NSMAF: variants seen among roughly 807,000 people sequenced by gnomAD.
NSMAF encodes the protein neutral sphingomyelinase activation associated factor.
A neutral mutation model predicts 134.9 loss-of-function variants in NSMAF; 90 were observed. That is an observed-to-expected ratio of 0.67 (90% CI 0.56 to 0.79). The LOEUF (loss-of-function observed/expected upper bound fraction) is 0.79. NSMAF is among the 30% of genes least tolerant of loss of function. The probability of loss-of-function intolerance (pLI) is 0.00; values close to 1 mark genes in which losing one functional copy is unlikely to be tolerated. For missense variants in NSMAF, 1,010 were observed against 1,119.0 expected (o/e 0.90, Z 1.39); for synonymous variants, 358 against 389.6 (o/e 0.92, Z 0.96).
intron 1 of NSMAF, among the ~76,000 whole-genome samples, chr8:58,651,463 G>A (rs747506185): frequency 6.6e-6 from 1 of 152,186 alleles, no homozygotes; most frequent in Non-Finnish European, 1.5e-5. Context: ...CTGACTATGT[G>A]AGATGCAGTG....
At chr8:58,596,061 G>T (rs1173506096) in intron 21 of NSMAF, among the ~76,000 whole-genome samples, 5 of 152,128 alleles carry the variant, frequency 3.3e-5, no homozygotes, top group Non-Finnish European at 5.9e-5. Flanking sequence ...ATCAATTACC[G>T]CAAGGGCTTC....
At chr8:58,641,989 T>C (rs1213562529) in intron 2 of NSMAF, among the ~76,000 whole-genome samples, 1 of 152,156 alleles carries the variant, frequency 6.6e-6, no homozygotes, top group Non-Finnish European at 1.5e-5. Flanking sequence ...AAAAAAGATA[T>C]GGAATTAGGG....
chr8:58,614,075 A>G (rs1006842039), intron 9 of NSMAF, among the ~76,000 whole-genome samples: 6 of 152,218 alleles, frequency 3.9e-5, no homozygotes, highest in African/African-American at 1.4e-4. Context: ...GGTTTGTGTA[A>G]GTGCACCCTA....
At chr8:58,600,195 G>A in intron 16 of NSMAF, 174 bp from the exon 17 acceptor site, 1 of 605,670 alleles carries the variant, frequency 1.7e-6, no homozygotes, top group Non-Finnish European at 2.9e-6. Flanking sequence ...GAACACTGGG[G>A]CCCAGAGAGT....
chr8:58,588,307 T>C (rs941046569), intron 26 of NSMAF: 16 of 686,194 alleles, frequency 2.3e-5, no homozygotes, highest in Middle Eastern at 4.0e-4. Flanking sequence ...TGTCTTTTAA[T>C]GATTCCTCAC....
At chr8:58,607,627 G>T (rs990561915) in intron 11 of NSMAF, 142 bp downstream of exon 11, 3 of 661,136 alleles carry the variant, frequency 4.5e-6, no homozygotes, top group African/African-American at 3.6e-5. Context: ...CCAAAAGAAA[G>T]AACAGCAAAA....
intron 1 of NSMAF, among the ~76,000 whole-genome samples, chr8:58,655,694 A>T (rs866419400): frequency 5.3e-5 from 8 of 152,018 alleles, no homozygotes; most frequent in Middle Eastern, 6.8e-3. Context: ...GATCACGAGG[A>T]CAGGAGATCG....
chr8:58,659,295 G>A (rs1310891717), intron 1 of NSMAF: 3 of 1,524,570 alleles, frequency 2.0e-6, no homozygotes, highest in Middle Eastern at 1.9e-4. Context: ...CTGCACTGCC[G>A]GATAGCTCGG....
At chr8:58,610,640 G>T (rs76143792) in intron 9 of NSMAF, among the ~76,000 whole-genome samples, 5,145 of 152,272 alleles carry the variant, frequency 0.034, 129 homozygotes, top group Non-Finnish European at 0.054. Context: ...GGCAGGAGGA[G>T]GAGCAACCTA....
intron 1 of NSMAF, among the ~76,000 whole-genome samples, chr8:58,647,778 C>A (rs1036057284): frequency 5.3e-5 from 8 of 152,326 alleles, no homozygotes; most frequent in South Asian, 2.1e-4. Context: ...GCCTGCAGAA[C>A]CATGAGCCAA....
intron 1 of NSMAF, among the ~76,000 whole-genome samples, chr8:58,643,534 CTTTT>C (rs71767302): frequency 1.4e-5 from 2 of 140,982 alleles, no homozygotes; most frequent in African/African-American, 2.6e-5. Flanking sequence ...AGGGACAGAT[CTTTT>C]TTTTTTTTTT....
chr8:58,639,756 A>T (rs1339828165), intron 2 of NSMAF, among the ~76,000 whole-genome samples: 1 of 152,188 alleles, frequency 6.6e-6, no homozygotes, highest in Non-Finnish European at 1.5e-5. Flanking sequence ...ATATATGAAT[A>T]TAAAACATAT....
chr8:58,623,510 A>T, intron 7 of NSMAF, 86 bp from the exon 8 acceptor site: 6 of 1,365,816 alleles, frequency 4.4e-6, no homozygotes, highest in Non-Finnish European at 6.2e-6. Flanking sequence ...AACAGCAATC[A>T]TTCTGTTAAC....
At chr8:58,607,869 A>ACTC in intron 10 of NSMAF, 29 bp from the exon 11 acceptor site, 1 of 1,558,170 alleles carries the variant, frequency 6.4e-7, no homozygotes, top group Non-Finnish European at 8.9e-7. Flanking sequence ...AATCTCAAAC[A>ACTC]TTATTGTTCT....
chr8:58,609,654 C>T lies in NSMAF; in HGVS notation c.637G>A (p.Val213Met), dbSNP rs755751343. The T allele has an allele frequency of 1.2e-6, 2 of 1,614,152 alleles. No individual in the cohort carries two copies. Among genetic ancestry groups the T allele is most frequent in the East Asian group, 2.2e-5 (1 of 44,890 alleles). ...VTPLVTNPGH[V>M]CITDTNLYFQ... ...TACAGGTTTGTGTCCGTGATGCACA[C>T]GTGTCCAGGATTAGTCACCAGAGGC... Residue 213 changes from valine to methionine, a missense_variant, in exon 10 of 31, where the codon GTG becomes ATG. Val to Met is a conservative substitution (Grantham distance 21). Transcript: ENST00000038176.
At position 58,585,581 on chromosome 8, in the gene NSMAF, C is replaced by T. The variant is rs558813581; in HGVS notation, c.2659+71G>A. ...TTTTTGCCCAAAAAGAGTATGTTCC[C>T]TGATGGAAAAGGCAGGCTTGAGTTC... On this transcript the variant is annotated intron_variant, in intron 30 of 30. Transcript: ENST00000038176. The T allele has an allele frequency of 5.2e-6, 6 of 1,144,092 alleles. No homozygotes were observed. The South Asian group carries it at 7.5e-5, about 14-fold the overall frequency. The allele number at this position is 1,144,092 out of a possible 1,614,324, so 70.9% of individuals were successfully genotyped here. A position where few individuals can be genotyped will look rare whatever the true frequency, so the allele number is the denominator to read the frequency against.
chr8:58,648,796 A>G (rs1484318715), intron 1 of NSMAF, among the ~76,000 whole-genome samples: 1 of 152,230 alleles, frequency 6.6e-6, no homozygotes, highest in Non-Finnish European at 1.5e-5. Flanking sequence ...AGCATGAAGG[A>G]GCCTTGGCAG....
rs1332559816 is a variant in NSMAF at position 58,585,956 on chromosome 8, C to T, written c.2491G>A (p.Val831Ile). 2.5e-6 allele frequency: 4 copies of T among 1,614,042 alleles called. No homozygotes were observed. Among genetic ancestry groups the T allele is most frequent in the East Asian group, 2.2e-5 (1 of 44,874 alleles). Residue 831 changes from valine to isoleucine, a missense_variant, in exon 29 of 31, where the codon GTC becomes ATC. Val to Ile is a conservative substitution (Grantham distance 29). Coordinates refer to ENST00000038176, the MANE Select transcript of NSMAF (RefSeq NM_003580.4). The stretch of plus-strand genomic sequence containing the variant: ...AGCATTCCTGTCTGCACATCAATGA[C>T]ATTAAGACAGCCATCTGTTCCTGTG... ...LSTGTDGCLN[V>I]IDVQTGMLIS... is the part of the protein sequence containing the mutation.
At chr8:58,588,664 T>C in intron 26 of NSMAF, 2 of 1,542,754 alleles carry the variant, frequency 1.3e-6, no homozygotes, top group Non-Finnish European at 1.8e-6. Flanking sequence ...CTTAATGGCC[T>C]TGTCCTTGGG....
Sources: gnomAD v4.1 joint callset for allele counts (sites outside exome capture counted in the v4.1 genomes callset) on GRCh38, gnomAD v4.1.1 for gene constraint, MANE v1.5 for transcripts, NCBI Gene and HGNC (gene_info 2026-07-23, HGNC 2026-07-21) for gene names.